APLP2: variants seen among roughly 807,000 people sequenced by gnomAD.
APLP2 encodes amyloid beta precursor like protein 2, also known as CDEI box-binding protein.
In APLP2, 53 loss-of-function variants were observed where a neutral mutation model predicts 89.9. That is an observed-to-expected ratio of 0.59 (90% CI 0.47 to 0.74). APLP2 has a LOEUF of 0.74. APLP2 is among the 30% of genes least tolerant of loss of function. The pLI is 0.00. For missense variants in APLP2, 973 were observed against 975.9 expected, an observed-to-expected ratio of 1.00 and a Z score of 0.04; for synonymous variants, 372 against 348.6, an observed-to-expected ratio of 1.07 and a Z score of -0.75.
rs1952744914 is a variant in APLP2, at chr11:130,144,469, G to C, written c.*1021G>C. 6.6e-6 allele frequency: 1 copy of C among 152,310 alleles called. No individual in the cohort carries two copies. The highest frequency in any genetic ancestry group is 2.4e-5 in the African/African-American group (1 of 41,452). The allele number at this position is 152,310 out of a possible 1,614,324, so 9.4% of individuals were successfully genotyped here. On this transcript the variant is annotated 3_prime_UTR_variant, in exon 17 of 17. Transcript: ENST00000338167. ...TTTGTGTGAAAGGAAAGTAGTCCAG[G>C]CTGTCCCTGAAACTGAGTCTGTGGA...
chr11:130,104,360 A>G (rs1005291530), intron 1 of APLP2, among the ~76,000 whole-genome samples: 3 of 151,748 alleles, frequency 2.0e-5, no homozygotes, highest in African/African-American at 2.4e-5. Flanking sequence ...CTAGGACCAT[A>G]GGCACGCGCC....
chr11:130,072,621 C>T (rs1454824491), intron 1 of APLP2, among the ~76,000 whole-genome samples: 1 of 151,984 alleles, frequency 6.6e-6, no homozygotes, highest in East Asian at 1.9e-4. Flanking sequence ...GGATTGCAGG[C>T]GCCTGCCACC....
intron 13 of APLP2, chr11:130,137,440 C>T: frequency 1.3e-6 from 1 of 772,150 alleles, no homozygotes; most frequent in Non-Finnish European, 2.3e-6. Context: ...AGAGCAGCCC[C>T]ACCTCCATGT....
chr11:130,101,448 A>G (rs540836477), intron 1 of APLP2: 1 of 152,026 alleles, frequency 6.6e-6, no homozygotes, highest in East Asian at 1.9e-4. Context: ...GGCCTCCCAA[A>G]GTGCTGAGAT....
chr11:130,093,065 G>A (rs1945651155), intron 1 of APLP2, among the ~76,000 whole-genome samples: 1 of 152,144 alleles, frequency 6.6e-6, no homozygotes, highest in Admixed American at 6.5e-5. Flanking sequence ...AAGACTTGAG[G>A]TTTACTTGGG....
At chr11:130,134,592 G>T (rs1293250251) in intron 12 of APLP2, among the ~76,000 whole-genome samples, 1 of 152,174 alleles carries the variant, frequency 6.6e-6, no homozygotes, top group Non-Finnish European at 1.5e-5. Flanking sequence ...TCTGGATTAT[G>T]AATTTTTAAA....
At chr11:130,129,778 A>G (rs184405564) in intron 10 of APLP2, among the ~76,000 whole-genome samples, 13 of 152,346 alleles carry the variant, frequency 8.5e-5, no homozygotes, top group Admixed American at 8.5e-4. Context: ...AGGACAGATC[A>G]GAAGAGAACG....
chr11:130,115,475 A>G (rs550774287), intron 3 of APLP2, among the ~76,000 whole-genome samples: 3 of 152,348 alleles, frequency 2.0e-5, no homozygotes, highest in Non-Finnish European at 2.9e-5. Flanking sequence ...GTAGTAGGAA[A>G]GAAAAGCTGA....
chr11:130,141,576 C>G lies in APLP2; in HGVS notation c.1998+4C>G, dbSNP rs780322711. 3.7e-6 allele frequency: 6 copies of G among 1,612,766 alleles called. No individual in the cohort carries two copies. Among genetic ancestry groups the G allele is most frequent in the Non-Finnish European group, 5.1e-6 (6 of 1,179,238 alleles). On this transcript the variant is annotated splice_donor_region_variant and intron_variant, in intron 15 of 16. Transcript: ENST00000338167. This position sits in a 1 kb window ranked among gnomAD's most constrained non-coding sequence, Gnocchi z 4.2. ...TGGAGGCCTCGAGGAAGAGCGGGTA[C>G]GTGTTTAGCTCCAGAACCTAAGGTT... is the stretch of plus-strand genomic sequence containing the variant.
chr11:130,109,563 C>T lies in APLP2; in HGVS notation c.240C>T (p.Cys80=). The T allele has an allele frequency of 6.2e-7, 1 of 1,613,422 alleles. No homozygotes were observed. Among genetic ancestry groups the T allele is most frequent in the Non-Finnish European group, 8.5e-7 (1 of 1,179,702 alleles). ...WEPDPTGTKS[C]FETKEEVLQY... ...CTGATCCAACAGGCACCAAGAGCTG[C>T]TTTGAAACAAAAGAAGAAGTTCTTC... Residue 80 remains cysteine (C), a synonymous_variant, in exon 2 of 17, where the codon TGC becomes TGT. Coordinates refer to ENST00000338167, the MANE Select transcript of APLP2 (RefSeq NM_001142276.2).
intron 13 of APLP2, 42 bp downstream of exon 13, chr11:130,135,757 G>A (rs769471199): frequency 5.6e-6 from 9 of 1,603,368 alleles, no homozygotes; most frequent in African/African-American, 1.3e-5. Context: ...AGCAGGGGGA[G>A]GACAAAATGA....
At chr11:130,110,442 G>T in intron 2 of APLP2, 96 bp from the exon 3 acceptor site, 1 of 1,448,642 alleles carries the variant, frequency 6.9e-7, no homozygotes, top group Non-Finnish European at 9.5e-7. Flanking sequence ...TAGGATAAGG[G>T]TGGAGGCTGA....
chr11:130,113,495 G>A (rs1409934583), intron 3 of APLP2, among the ~76,000 whole-genome samples: 1 of 152,190 alleles, frequency 6.6e-6, no homozygotes, highest in Non-Finnish European at 1.5e-5. Flanking sequence ...TTAGTAACCA[G>A]TCGGTAGAGC....
At chr11:130,105,721 G>A (rs1343059635) in intron 1 of APLP2, among the ~76,000 whole-genome samples, 1 of 29,846 alleles carries the variant, frequency 3.4e-5, no homozygotes, top group Non-Finnish European at 5.6e-5. Context: ...TTTTTTTTTT[G>A]AGATGGAGTT....
chr11:130,124,042 G>A (rs569946080), intron 7 of APLP2, among the ~76,000 whole-genome samples: 9 of 152,292 alleles, frequency 5.9e-5, no homozygotes, highest in African/African-American at 2.2e-4. Context: ...TGGTATAGCG[G>A]GCAGCACAGC....
intron 1 of APLP2, among the ~76,000 whole-genome samples, chr11:130,095,157 G>A (rs1050990974): frequency 9.9e-5 from 15 of 152,144 alleles, no homozygotes; most frequent in Non-Finnish European, 1.5e-4. Context: ...CAGCTCTTTG[G>A]GAGGCTGAGG....
intron 7 of APLP2, among the ~76,000 whole-genome samples, chr11:130,126,159 G>A (rs1237396900): frequency 6.6e-6 from 1 of 152,182 alleles, no homozygotes; most frequent in Non-Finnish European, 1.5e-5. Context: ...GAGTGATGGG[G>A]ACTTTCTCTA....
intron 1 of APLP2, among the ~76,000 whole-genome samples, chr11:130,090,247 C>CTTTTT (rs539249012): frequency 2.3e-5 from 2 of 86,100 alleles, no homozygotes; most frequent in African/African-American, 8.7e-5. Flanking sequence ...CTAGCTCTGT[C>CTTTTT]TTTTTTTTTT....
At chr11:130,080,568 C>T (rs183779149) in intron 1 of APLP2, among the ~76,000 whole-genome samples, 142 of 151,894 alleles carry the variant, frequency 9.3e-4, no homozygotes, top group African/African-American at 3.1e-3. Flanking sequence ...AATGTGTGTT[C>T]CAGACAAAAA....
Sources: gnomAD v4.1 joint callset for allele counts (sites outside exome capture counted in the v4.1 genomes callset) on GRCh38, gnomAD v4.1.1 for gene constraint, Gnocchi (gnomAD v3.1) non-coding constraint, MANE v1.5 for transcripts, NCBI Gene and HGNC (gene_info 2026-07-23, HGNC 2026-07-21) for gene names.